DPF3: variants seen among roughly 807,000 people sequenced by gnomAD.
DPF3 encodes the protein double PHD fingers 3.
DPF3 carries 18 observed loss-of-function variants against 56.8 expected under a neutral mutation model. The observed-to-expected ratio is 0.32, with a 90% confidence interval of 0.22 to 0.47. The LOEUF (loss-of-function observed/expected upper bound fraction) is 0.47. Among genes scored for constraint, DPF3 ranks in the 20% least tolerant of loss-of-function variants. The probability of loss-of-function intolerance (pLI) is 1.00; values close to 1 mark genes in which losing one functional copy is unlikely to be tolerated. For missense variants in DPF3, 403 were observed against 488.8 expected, an observed-to-expected ratio of 0.82 and a Z score of 1.65; for synonymous variants, 188 against 180.2, an observed-to-expected ratio of 1.04 and a Z score of -0.35.
At position 72,613,050 on chromosome 14, in the gene DPF3, A is replaced by G. The variant is rs181036563; in HGVS notation, c.*6247T>C. 1.3e-3 allele frequency among the ~76,000 whole-genome samples: 189 copies of G among 149,986 alleles called. No individual in the cohort carries two copies. Among genetic ancestry groups the G allele is most frequent in the Non-Finnish European group, 2.2e-3 (151 of 67,336 alleles). ...TGTGTGTATGTGCGTGCGTGCACGC[A>G]CGCGCATGCACATGGGCATTCCTGT... On this transcript the variant is annotated 3_prime_UTR_variant, in exon 11 of 11. Coordinates refer to ENST00000556509, the MANE Select transcript of DPF3 (RefSeq NM_001280542.3).
intron 3 of DPF3, among the ~76,000 whole-genome samples, chr14:72,742,972 A>G (rs536980779): frequency 2.6e-5 from 4 of 152,238 alleles, no homozygotes; most frequent in South Asian, 4.1e-4. Flanking sequence ...CTTGTTGGCC[A>G]GCCTGTGGCC....
chr14:72,796,729 G>A (rs909830139), intron 1 of DPF3, among the ~76,000 whole-genome samples: 5 of 152,070 alleles, frequency 3.3e-5, no homozygotes, highest in African/African-American at 1.2e-4. Flanking sequence ...GACCTCTTGG[G>A]GCCAGGGATA....
At chr14:72,693,897 C>T (rs1887801990) in intron 6 of DPF3, among the ~76,000 whole-genome samples, 1 of 152,240 alleles carries the variant, frequency 6.6e-6, no homozygotes, top group Non-Finnish European at 1.5e-5. Flanking sequence ...ACACATGCTG[C>T]ACTTCTACCA....
intron 1 of DPF3, among the ~76,000 whole-genome samples, chr14:72,874,958 C>G (rs112598335): frequency 0.2 from 30,809 of 152,126 alleles, 4,060 homozygotes; most frequent in Non-Finnish European, 0.29. Context: ...TTTAATTGGA[C>G]TTACAGTTCC....
intron 1 of DPF3, among the ~76,000 whole-genome samples, chr14:72,809,051 T>C (rs1882915494): frequency 6.6e-6 from 1 of 152,226 alleles, no homozygotes; most frequent in East Asian, 1.9e-4. Flanking sequence ...AGGAATGAAT[T>C]AGTTCCCTGG....
intron 1 of DPF3, among the ~76,000 whole-genome samples, chr14:72,819,802 G>A (rs1260090352): frequency 6.6e-6 from 1 of 152,080 alleles, no homozygotes; most frequent in African/African-American, 2.4e-5. Context: ...GCCAGGTGTG[G>A]TGATATGTAC....
intron 10 of DPF3, 50 bp downstream of exon 10, chr14:72,619,853 G>A: frequency 7.0e-7 from 1 of 1,421,124 alleles, no homozygotes; most frequent in Non-Finnish European, 9.4e-7. Flanking sequence ...GTAAGTGCTA[G>A]TAGTAGTAGT....
chr14:72,756,067 G>C (rs149164495), intron 2 of DPF3, among the ~76,000 whole-genome samples: 6 of 152,274 alleles, frequency 3.9e-5, no homozygotes, highest in African/African-American at 1.4e-4. Context: ...GCTGCTGTCA[G>C]GGAAATTAAC....
At chr14:72,768,255 T>C (rs1018881953) in intron 2 of DPF3, among the ~76,000 whole-genome samples, 3 of 152,184 alleles carry the variant, frequency 2.0e-5, no homozygotes, top group African/African-American at 7.2e-5. Context: ...CAATAAACGC[T>C]TCTCTTACGT....
intron 7 of DPF3, among the ~76,000 whole-genome samples, chr14:72,692,098 T>C (rs1234336057): frequency 6.6e-6 from 1 of 152,224 alleles, no homozygotes; most frequent in Non-Finnish European, 1.5e-5. Flanking sequence ...CCAGTGGACA[T>C]CAGTTGACTA....
In DPF3 at chr14:72,817,141, G is replaced by A. The variant is rs185735727; in HGVS notation, c.33-45248C>T. Among the ~76,000 whole-genome samples the A allele has an allele frequency of 1.5e-3, 230 of 152,252 alleles. 1 individual carries two copies. Among genetic ancestry groups the A allele is most frequent in the African/African-American group, 5.5e-3 (228 of 41,544 alleles). On this transcript the variant is annotated intron_variant, in intron 1 of 10. Coordinates refer to ENST00000556509, the MANE Select transcript of DPF3 (RefSeq NM_001280542.3). ...GGGACAGCGTCCAGGGGTCCTCCAC[G>A]GGCTGCCCCAGTGAAGCTCTCCAGC...
intron 8 of DPF3, among the ~76,000 whole-genome samples, chr14:72,641,494 G>A (rs80166320): frequency 0.041 from 6,206 of 152,286 alleles, 222 homozygotes; most frequent in East Asian, 0.11. Context: ...TTGGATCGAA[G>A]ATCTTCAGTC....
chr14:72,845,617 A>C (rs1010497081), intron 1 of DPF3, among the ~76,000 whole-genome samples: 1 of 152,178 alleles, frequency 6.6e-6, no homozygotes, highest in Non-Finnish European at 1.5e-5. Flanking sequence ...ACCCAATGCC[A>C]CTTTCCAGAG....
At chr14:72,724,167 C>A (rs1232569279) in intron 4 of DPF3, 1 of 155,598 alleles carries the variant, frequency 6.4e-6, no homozygotes, top group South Asian at 2.0e-4. Context: ...AAGCAAGTAA[C>A]TTCCTGTTCA....
chr14:72,736,055 C>A (rs998995810), intron 3 of DPF3, among the ~76,000 whole-genome samples: 2 of 152,204 alleles, frequency 1.3e-5, no homozygotes, highest in African/African-American at 4.8e-5. Flanking sequence ...TTCAATGGTA[C>A]AGCTGCACTG....
chr14:72,863,422 G>C (rs780008350), intron 1 of DPF3, among the ~76,000 whole-genome samples: 1 of 151,752 alleles, frequency 6.6e-6, no homozygotes, highest in Non-Finnish European at 1.5e-5. Flanking sequence ...AAAGGGAAGA[G>C]AAATTAGCAC....
intron 6 of DPF3, among the ~76,000 whole-genome samples, chr14:72,703,122 G>A (rs1324817985): frequency 6.6e-6 from 1 of 152,172 alleles, no homozygotes; most frequent in African/African-American, 2.4e-5. Context: ...AACTGTGATA[G>A]GAAAATGATG....
intron 1 of DPF3, among the ~76,000 whole-genome samples, chr14:72,805,573 C>T (rs932721576): frequency 9.2e-5 from 14 of 151,636 alleles, no homozygotes; most frequent in Admixed American, 3.9e-4. Context: ...TGGCCAGGCG[C>T]GGTGGCTCAC....
At chr14:72,646,485 C>T (rs1885728911) in intron 8 of DPF3, among the ~76,000 whole-genome samples, 1 of 152,226 alleles carries the variant, frequency 6.6e-6, no homozygotes, top group Non-Finnish European at 1.5e-5. Flanking sequence ...CTGTCAGGGA[C>T]AGGACTCCAA....
Sources: allele counts gnomAD v4.1 joint callset (sites outside exome capture counted in the v4.1 genomes callset), GRCh38; gene constraint gnomAD v4.1.1; transcripts MANE v1.5; gene names NCBI Gene and HGNC (gene_info 2026-07-23, HGNC 2026-07-21).